Variants in MEF2C observed in about 807,000 individuals in gnomAD.
MEF2C encodes myocyte enhancer factor 2C.
A neutral mutation model predicts 50.5 loss-of-function variants in MEF2C; 6 were observed. The ratio of observed to expected loss-of-function variants is 0.12; its 90% confidence interval spans 0.07 to 0.23. The LOEUF (loss-of-function observed/expected upper bound fraction) is 0.23, where lower values mean the gene tolerates loss of function less well. Ranked by LOEUF, MEF2C falls within the 10% of genes least tolerant of loss-of-function variation. MEF2C has a pLI of 1.00. For missense variants in MEF2C, 276 were observed against 605.0 expected, an observed-to-expected ratio of 0.46 and a Z score of 5.70; for synonymous variants, 183 against 228.0, an observed-to-expected ratio of 0.80 and a Z score of 1.78.
chr5:88,881,043 C>A (rs1299804760), intron 1 of MEF2C: 1 of 151,778 alleles, frequency 6.6e-6, no homozygotes, highest in Non-Finnish European at 1.5e-5. Flanking sequence ...GTCAAACATT[C>A]GAATGCTGTG....
upstream of MEF2C, chr5:88,884,302 G>T (rs561320147): frequency 6.6e-6 from 1 of 152,128 alleles, no homozygotes; most frequent in Admixed American, 6.5e-5. Flanking sequence ...CTCTTCCACC[G>T]GTCGGTGCGC....
chr5:88,742,868 GCTAT>G (rs1261763281), intron 6 of MEF2C: 1 of 984,800 alleles, frequency 1.0e-6, no homozygotes, highest in East Asian at 1.1e-4. Flanking sequence ...ACATGCTGTA[GCTAT>G]CTAATTTGAG....
At chr5:88,778,049 T>C (rs1785775037) in intron 3 of MEF2C, among the ~76,000 whole-genome samples, 1 of 151,802 alleles carries the variant, frequency 6.6e-6, no homozygotes, top group African/African-American at 2.4e-5. Flanking sequence ...GGACTACAGA[T>C]GCCCGCCACC....
chr5:88,831,202 C>T (rs1463740193), intron 1 of MEF2C, among the ~76,000 whole-genome samples: 3 of 152,032 alleles, frequency 2.0e-5, no homozygotes, highest in Non-Finnish European at 4.4e-5. Flanking sequence ...CTTACTGATA[C>T]ATTTGTGCAT....
At chr5:88,870,814 A>C (rs534086106) in intron 1 of MEF2C, among the ~76,000 whole-genome samples, 3 of 152,244 alleles carry the variant, frequency 2.0e-5, no homozygotes, top group South Asian at 4.1e-4. Context: ...GTACAAAAAC[A>C]CTAAACTTAT....
chr5:88,822,377 T>G (rs1334502524), intron 2 of MEF2C, among the ~76,000 whole-genome samples: 2 of 151,968 alleles, frequency 1.3e-5, no homozygotes, highest in Non-Finnish European at 2.9e-5. Context: ...ATTGACACAA[T>G]GATTGCTCTT....
chr5:88,723,008 A>G, intron 10 of MEF2C, 83 bp from the exon 11 acceptor site: 2 of 1,206,334 alleles, frequency 1.7e-6, no homozygotes, highest in Non-Finnish European at 2.3e-6. Context: ...ACATCAGCTT[A>G]AAGACTCGCA....
At chr5:88,810,975 A>G (rs759238873) in intron 2 of MEF2C, among the ~76,000 whole-genome samples, 5 of 152,164 alleles carry the variant, frequency 3.3e-5, no homozygotes, top group Admixed American at 6.6e-5. Flanking sequence ...AAAAACAATT[A>G]CAAAAGTTCA....
intron 2 of MEF2C, among the ~76,000 whole-genome samples, chr5:88,813,648 G>A (rs1210396018): frequency 1.3e-5 from 2 of 152,052 alleles, no homozygotes; most frequent in African/African-American, 4.8e-5. Context: ...ATCACTAAGG[G>A]AAGCAACAAA....
At chr5:88,769,797 A>G in intron 3 of MEF2C, 1 of 186,512 alleles carries the variant, frequency 5.4e-6, no homozygotes, top group Non-Finnish European at 1.0e-5. Flanking sequence ...GGTGTGTGCC[A>G]TCAAGTCTGG....
At chr5:88,742,205 T>C (rs1249960558) in intron 6 of MEF2C, 1 of 985,022 alleles carries the variant, frequency 1.0e-6, no homozygotes, top group Non-Finnish European at 1.2e-6. Context: ...TGCTCTCTAC[T>C]GATGCACAAT....
chr5:88,784,472 T>C (rs1789830968), intron 3 of MEF2C, among the ~76,000 whole-genome samples: 1 of 152,246 alleles, frequency 6.6e-6, no homozygotes, highest in African/African-American at 2.4e-5. Flanking sequence ...TATTATTTCA[T>C]GTTTATAAAT....
At position 88,825,198 on chromosome 5, in the gene MEF2C, T is replaced by C. The variant is rs982272577; in HGVS notation, c.-142-1268A>G. Among the ~76,000 whole-genome samples the C allele has an allele frequency of 2.0e-5, 3 of 151,960 alleles. No individual in the cohort carries two copies. In the East Asian group the frequency reaches 5.8e-4, roughly 29 times the overall value. On this transcript the variant is annotated intron_variant, in intron 1 of 10. Coordinates refer to ENST00000504921, the MANE Select transcript of MEF2C (RefSeq NM_002397.5). ...TTGGAACAGGAAGGCTGTTACACAT[T>C]CGGTCTGACCATTAGCTGTCTTCTG...
intron 1 of MEF2C, among the ~76,000 whole-genome samples, chr5:88,867,564 T>A (rs755389109): frequency 4.6e-5 from 7 of 152,218 alleles, no homozygotes; most frequent in Non-Finnish European, 8.8e-5. Flanking sequence ...GTATACGGTA[T>A]GCTCTCAAAA....
intron 1 of MEF2C, among the ~76,000 whole-genome samples, chr5:88,836,643 A>C (rs2153275227): frequency 6.6e-6 from 1 of 152,290 alleles, no homozygotes; most frequent in South Asian, 2.1e-4. Flanking sequence ...GGCCAGAGTG[A>C]GCTGAGACAG....
intron 6 of MEF2C, chr5:88,734,851 T>C: frequency 1.0e-6 from 1 of 974,252 alleles, no homozygotes; most frequent in African/African-American, 1.7e-5. Context: ...GGTGTTTACA[T>C]ACTGAAATGT....
intron 1 of MEF2C, among the ~76,000 whole-genome samples, chr5:88,867,577 AT>A: frequency 6.6e-6 from 1 of 152,348 alleles, no homozygotes; most frequent in Non-Finnish European, 1.5e-5. Context: ...TCTCAAAAAA[AT>A]GTTAGCTGTG....
chr5:88,874,757 T>C (rs1443882325), intron 1 of MEF2C, among the ~76,000 whole-genome samples: 1 of 152,112 alleles, frequency 6.6e-6, no homozygotes, highest in East Asian at 1.9e-4. Context: ...GTAAATTTCA[T>C]ATAGGCAATT....
At chr5:88,774,698 G>A (rs181843296) in intron 3 of MEF2C, among the ~76,000 whole-genome samples, 13 of 152,156 alleles carry the variant, frequency 8.5e-5, no homozygotes, top group Admixed American at 7.2e-4. Flanking sequence ...CACCTAATAT[G>A]TGAATTTATA....
Sources: allele counts gnomAD v4.1 joint callset (sites outside exome capture counted in the v4.1 genomes callset), GRCh38; gene constraint gnomAD v4.1.1; transcripts MANE v1.5; gene names NCBI Gene and HGNC (gene_info 2026-07-23, HGNC 2026-07-21).